The following AOPEP variants were observed in gnomAD, a reference collection of about 807,000 sequenced individuals.
AOPEP encodes aminopeptidase O (putative), also known as aminopeptidase O.
AOPEP carries 77 observed loss-of-function variants against 98.1 expected under a neutral mutation model. That is an observed-to-expected ratio of 0.78 (90% CI 0.65 to 0.95). The LOEUF (loss-of-function observed/expected upper bound fraction) is 0.95. Among genes scored for constraint, AOPEP ranks in the 40% least tolerant of loss-of-function variants. AOPEP has a pLI of 0.00. For synonymous variants in AOPEP, 346 were observed against 365.3 expected (o/e 0.95, Z 0.60); for missense variants, 1,024 against 1,024.7 (o/e 1.00, Z 0.01).
At chr9:94,780,331 A>G (rs1320248546) in intron 3 of AOPEP, among the ~76,000 whole-genome samples, 2 of 152,230 alleles carry the variant, frequency 1.3e-5, no homozygotes, top group Non-Finnish European at 2.9e-5. Context: ...AAACTTTTAT[A>G]ACCCCAGGAA....
intron 5 of AOPEP, among the ~76,000 whole-genome samples, chr9:94,811,946 A>T (rs139669235): frequency 4.6e-4 from 70 of 152,298 alleles, no homozygotes; most frequent in Non-Finnish European, 9.1e-4. Flanking sequence ...GATGAAAGGA[A>T]CCTATTGGAT....
intron 5 of AOPEP, among the ~76,000 whole-genome samples, chr9:94,883,877 G>A (rs2047880881): frequency 6.6e-5 from 10 of 152,158 alleles, no homozygotes; most frequent in Admixed American, 6.5e-4. Context: ...AAGAGGATGA[G>A]CCAGGAGACC....
chr9:95,057,175 C>T (rs536151865), intron 13 of AOPEP, among the ~76,000 whole-genome samples: 4 of 152,298 alleles, frequency 2.6e-5, no homozygotes, highest in South Asian at 4.1e-4. Context: ...GAGGTAAGGT[C>T]CTTTATTTTT....
chr9:95,136,604 A>G, the AOPEP span, among the ~76,000 whole-genome samples: 6 of 152,202 alleles, frequency 3.9e-5, no homozygotes, highest in East Asian at 9.7e-4. Flanking sequence ...CTCCTGCATC[A>G]GTCTCCCCAG....
chr9:95,028,937 G>A (rs1328258350), intron 13 of AOPEP, among the ~76,000 whole-genome samples: 1 of 152,224 alleles, frequency 6.6e-6, no homozygotes, highest in Non-Finnish European at 1.5e-5. Flanking sequence ...CCAGATGTCC[G>A]CAGTGTTTTG....
chr9:95,105,668 A>C, the AOPEP span, among the ~76,000 whole-genome samples: 1 of 152,082 alleles, frequency 6.6e-6, no homozygotes, highest in African/African-American at 2.4e-5. Flanking sequence ...CTGCCTTGGG[A>C]AACTCTAGCA....
chr9:94,731,273 G>T (rs1197114376), intron 1 of AOPEP, among the ~76,000 whole-genome samples: 1 of 152,026 alleles, frequency 6.6e-6, no homozygotes, highest in East Asian at 1.9e-4. Flanking sequence ...TGTCGCCCAG[G>T]CTGGAGTGCA....
At chr9:94,885,088 C>T (rs2048057090) in intron 5 of AOPEP, among the ~76,000 whole-genome samples, 1 of 151,080 alleles carries the variant, frequency 6.6e-6, no homozygotes, top group Non-Finnish European at 1.5e-5. Flanking sequence ...GTGGCTCACG[C>T]CTGTAATCCC....
intron 1 of AOPEP, among the ~76,000 whole-genome samples, chr9:94,741,782 A>C (rs1167577314): frequency 1.3e-5 from 2 of 152,204 alleles, no homozygotes; most frequent in Non-Finnish European, 2.9e-5. Context: ...ATTCCATCAC[A>C]GCTGAACTGG....
At chr9:94,981,494 C>T (rs902929428) in intron 11 of AOPEP, among the ~76,000 whole-genome samples, 3 of 152,162 alleles carry the variant, frequency 2.0e-5, no homozygotes, top group Non-Finnish European at 4.4e-5. Context: ...CCTGATTTAG[C>T]GCATGATTGG....
chr9:95,071,944 G>A (rs924430188), intron 14 of AOPEP, among the ~76,000 whole-genome samples: 2 of 152,212 alleles, frequency 1.3e-5, no homozygotes, highest in African/African-American at 4.8e-5. Context: ...GTCAGGACTA[G>A]CATTAAGGAG....
downstream of AOPEP, among the ~76,000 whole-genome samples, chr9:95,090,548 C>T (rs1336969788): frequency 1.3e-5 from 2 of 152,154 alleles, no homozygotes; most frequent in Non-Finnish European, 2.9e-5. Flanking sequence ...GAGGGCCCCC[C>T]CTTCGAAGGG....
At position 94,800,738 on chromosome 9, in the gene AOPEP, T is replaced by TA; in HGVS notation, c.1119-18dup. The TA allele has an allele frequency of 6.2e-7, 1 of 1,611,630 alleles. No individual in the cohort carries two copies. Among genetic ancestry groups the TA allele is most frequent in the Non-Finnish European group, 8.5e-7 (1 of 1,177,832 alleles). ...AGAATAATAAACATGTTTTACCATT[T>TA]ATTTTGTGTTATTCCCAGGCATGTT... On this transcript the variant is annotated intron_variant, in intron 4 of 16. Transcript: ENST00000375315.
chr9:94,969,195 C>T (rs971807308), intron 10 of AOPEP, among the ~76,000 whole-genome samples: 3 of 151,872 alleles, frequency 2.0e-5, no homozygotes, highest in Admixed American at 1.3e-4. Flanking sequence ...GGATCTGGCC[C>T]GTGTTTTTTC....
At chr9:94,732,729 C>A (rs527483663) in intron 1 of AOPEP, among the ~76,000 whole-genome samples, 22 of 152,148 alleles carry the variant, frequency 1.4e-4, no homozygotes, top group Non-Finnish European at 2.9e-4. Context: ...TCTCTCCAGA[C>A]CATGAAAATG....
intron 1 of AOPEP, among the ~76,000 whole-genome samples, chr9:94,743,167 AAAGAAGAAG>A (rs138111726): frequency 0.041 from 5,793 of 142,656 alleles, 372 homozygotes; most frequent in African/African-American, 0.14. Context: ...TTGCAATATA[AAAGAAGAAG>A]AAGAAGAAGA....
At chr9:94,842,828 T>C (rs2042431189) in intron 5 of AOPEP, among the ~76,000 whole-genome samples, 1 of 152,220 alleles carries the variant, frequency 6.6e-6, no homozygotes, top group African/African-American at 2.4e-5. Context: ...TTATGTTTTT[T>C]CCTTTGGCCT....
intron 11 of AOPEP, among the ~76,000 whole-genome samples, chr9:94,986,862 A>G (rs1161665968): frequency 2.0e-5 from 3 of 152,248 alleles, no homozygotes; most frequent in Admixed American, 6.5e-5. Flanking sequence ...AACGAGTTTG[A>G]ATCTCATTCA....
At chr9:94,965,622 C>T (rs1411788610) in intron 9 of AOPEP, among the ~76,000 whole-genome samples, 1 of 152,204 alleles carries the variant, frequency 6.6e-6, no homozygotes, top group East Asian at 1.9e-4. Context: ...TTAAATGGGT[C>T]TCATCAGAGT....
Sources: gnomAD v4.1 joint callset for allele counts (sites outside exome capture counted in the v4.1 genomes callset) on GRCh38, gnomAD v4.1.1 for gene constraint, MANE v1.5 for transcripts, NCBI Gene and HGNC (gene_info 2026-07-23, HGNC 2026-07-21) for gene names.